The following NTRK3 variants were observed in gnomAD, a reference collection of about 807,000 sequenced individuals.
NTRK3 encodes the protein NT-3 growth factor receptor.
Under a neutral mutation model 91.7 loss-of-function variants are expected in NTRK3, and 24 were observed. The observed-to-expected ratio is 0.26, with a 90% confidence interval of 0.19 to 0.37. The LOEUF (loss-of-function observed/expected upper bound fraction) is 0.37. Among genes scored for constraint, NTRK3 ranks in the 10% least tolerant of loss-of-function variants. The pLI is 1.00. For synonymous variants in NTRK3, 483 were observed against 404.0 expected, an observed-to-expected ratio of 1.20 and a Z score of -2.34; for missense variants, 880 against 1,068.9, an observed-to-expected ratio of 0.82 and a Z score of 2.46.
rs180802736 is a variant in NTRK3, at chr15:87,968,538, G to C, written c.1586-27785C>G. ...GTTCTTCAAGGTAGAAAAAAAAACAGGTCTAGGAAAGAAACGAAAGTATTG... is the reference window on the plus strand; with the variant it reads ...GTTCTTCAAGGTAGAAAAAAAAACACGTCTAGGAAAGAAACGAAAGTATTG... On this transcript the variant is annotated intron_variant, in intron 14 of 18. Coordinates refer to ENST00000394480, the Ensembl canonical transcript of NTRK3. 2.2e-4 allele frequency among the ~76,000 whole-genome samples: 34 copies of C among 152,234 alleles called. 1 individual carries two copies. In the East Asian group the frequency reaches 6.4e-3, roughly 28 times the overall value.
chr15:88,007,238 A>G (rs2076559594), intron 14 of NTRK3, among the ~76,000 whole-genome samples: 1 of 152,236 alleles, frequency 6.6e-6, no homozygotes, highest in Admixed American at 6.5e-5. Flanking sequence ...ACAAGGAAGC[A>G]AGGCTTAAAG....
intron 3 of NTRK3, among the ~76,000 whole-genome samples, chr15:88,196,457 G>C (rs1024871148): frequency 1.3e-5 from 2 of 152,180 alleles, no homozygotes; most frequent in African/African-American, 2.4e-5. Context: ...CTGCAGGAGG[G>C]AGGCAGGCCC....
At chr15:88,171,619 A>G (rs1463363718) in intron 5 of NTRK3, among the ~76,000 whole-genome samples, 2 of 152,186 alleles carry the variant, frequency 1.3e-5, no homozygotes, top group Non-Finnish European at 2.9e-5. Flanking sequence ...AAGGTGCTTT[A>G]TGTTCACTCC....
At chr15:88,211,452 A>T (rs974808899) in intron 3 of NTRK3, among the ~76,000 whole-genome samples, 2 of 152,234 alleles carry the variant, frequency 1.3e-5, no homozygotes, top group East Asian at 3.8e-4. Flanking sequence ...GGCTATTTTA[A>T]ATAGTGCCAC....
At chr15:87,874,489 A>C in exon 19 of NTRK3, 4 of 232,458 alleles carry the variant, frequency 1.7e-5, no homozygotes, top group Non-Finnish European at 3.4e-5. Flanking sequence ...AAACCATAGC[A>C]TGGTCCTTAT....
At chr15:88,247,613 G>A (rs1232609054) in intron 3 of NTRK3, among the ~76,000 whole-genome samples, 2 of 152,168 alleles carry the variant, frequency 1.3e-5, no homozygotes, top group African/African-American at 4.8e-5. Context: ...GTGACCCTAC[G>A]GGGGTGCCGG....
intron 13 of NTRK3, among the ~76,000 whole-genome samples, chr15:88,112,621 C>A (rs1312136467): frequency 6.6e-6 from 1 of 152,216 alleles, no homozygotes; most frequent in Non-Finnish European, 1.5e-5. Flanking sequence ...ATGTTTAACA[C>A]TGGCCATGTG....
At chr15:88,188,753 G>C (rs1399112841) in intron 3 of NTRK3, among the ~76,000 whole-genome samples, 1 of 152,202 alleles carries the variant, frequency 6.6e-6, no homozygotes, top group Admixed American at 6.5e-5. Context: ...GAAATGAGGG[G>C]TGTGTTGGCC....
intron 14 of NTRK3, among the ~76,000 whole-genome samples, chr15:87,981,527 T>G (rs1341513776): frequency 6.6e-6 from 1 of 152,224 alleles, no homozygotes; most frequent in Non-Finnish European, 1.5e-5. Context: ...TGGTTTATTT[T>G]ACGCATAAAA....
chr15:87,866,380 A>C (rs1043800322), exon 19 of NTRK3: 1 of 177,408 alleles, frequency 5.6e-6, no homozygotes, highest in Non-Finnish European at 1.2e-5. Flanking sequence ...AAGAAACAAT[A>C]TGGAACTATC....
intron 13 of NTRK3, among the ~76,000 whole-genome samples, chr15:88,115,501 G>A (rs2151012802): frequency 6.6e-6 from 1 of 152,324 alleles, no homozygotes; most frequent in African/African-American, 2.4e-5. Flanking sequence ...CGCCCTCCTT[G>A]GGGCTTCATG....
intron 13 of NTRK3, among the ~76,000 whole-genome samples, chr15:88,112,489 G>A (rs1270860106): frequency 6.6e-6 from 1 of 151,922 alleles, no homozygotes; most frequent in East Asian, 1.9e-4. Context: ...AGGCTGGGGT[G>A]GGGAGAAGAC....
intron 13 of NTRK3, among the ~76,000 whole-genome samples, chr15:88,125,637 C>A (rs530620590): frequency 7.2e-5 from 11 of 152,150 alleles, no homozygotes; most frequent in Non-Finnish European, 1.2e-4. Context: ...CCATGTTAAC[C>A]CCTTTCATGC....
chr15:88,068,576 C>A (rs1346417524), intron 13 of NTRK3, among the ~76,000 whole-genome samples: 1 of 152,164 alleles, frequency 6.6e-6, no homozygotes, highest in Non-Finnish European at 1.5e-5. Flanking sequence ...AGATATAGGG[C>A]TCAGAAAGGA....
intron 14 of NTRK3, among the ~76,000 whole-genome samples, chr15:87,944,898 G>C (rs143177274): frequency 3.9e-4 from 59 of 152,336 alleles, no homozygotes; most frequent in African/African-American, 1.3e-3. Context: ...TTGGGTCCCT[G>C]CTTCTGCATG....
intron 5 of NTRK3, among the ~76,000 whole-genome samples, chr15:88,147,616 C>T (rs1441566476): frequency 2.6e-5 from 4 of 151,808 alleles, no homozygotes; most frequent in African/African-American, 9.7e-5. Flanking sequence ...TTTGGATAGG[C>T]TTTTGAGGCC....
intron 10 of NTRK3, among the ~76,000 whole-genome samples, chr15:88,134,336 G>T (rs964421181): frequency 1.3e-5 from 2 of 152,158 alleles, no homozygotes; most frequent in African/African-American, 4.8e-5. Flanking sequence ...GATATTTAAA[G>T]CATCTTAGCC....
chr15:88,078,592 G>A (rs2047766198), intron 13 of NTRK3, among the ~76,000 whole-genome samples: 1 of 152,232 alleles, frequency 6.6e-6, no homozygotes, highest in Non-Finnish European at 1.5e-5. Flanking sequence ...GGAGGTTGCA[G>A]TGAGCCAAGA....
At chr15:87,941,503 A>G (rs1012591563) in intron 14 of NTRK3, among the ~76,000 whole-genome samples, 1 of 152,066 alleles carries the variant, frequency 6.6e-6, no homozygotes. Flanking sequence ...ACACAAAGAC[A>G]CATTGGTTTT....
Sources: allele counts gnomAD v4.1 joint callset (sites outside exome capture counted in the v4.1 genomes callset), GRCh38; gene constraint gnomAD v4.1.1; transcripts MANE v1.5; gene names NCBI Gene and HGNC (gene_info 2026-07-23, HGNC 2026-07-21).